SLFN12L: variants seen among roughly 807,000 people sequenced by gnomAD.
SLFN12L encodes the protein schlafen family member 12 like, also known as schlafen family member 12-like.
A neutral mutation model predicts 34.8 loss-of-function variants in SLFN12L; 34 were observed. That is an observed-to-expected ratio of 0.98 (90% CI 0.74 to 1.30). The LOEUF is 1.30. Ranked by LOEUF, SLFN12L falls within the 50% of genes most tolerant of loss-of-function variation. SLFN12L has a pLI of 0.00. For missense variants in SLFN12L, 703 were observed against 696.2 expected, an observed-to-expected ratio of 1.01 and a Z score of -0.11; for synonymous variants, 259 against 247.5, an observed-to-expected ratio of 1.05 and a Z score of -0.44.
At chr17:35,490,044 G>C (rs1914768920) in intron 2 of SLFN12L, 3 of 1,604,272 alleles carry the variant, frequency 1.9e-6, no homozygotes, top group South Asian at 2.2e-5. Flanking sequence ...ACCACCTCCT[G>C]TTCCCTCTCC....
chr17:35,475,316 T>A lies in SLFN12L; in HGVS notation c.1446A>T (p.Lys482Asn). The change falls in exon 5 of 5, where the codon AAA becomes AAT. Residue 482 changes from lysine to asparagine, a missense_variant. By Grantham distance (94) the Lys-to-Asn change is moderately conservative. Transcript: ENST00000628453. ...SLDLGLQENH[K>N]VLCDALLISQ... ...AAATCAGAAGAGCATCACAGAGGACTTTGTGGTTCTCTTGCAAGCCCAGAT... is the reference window on the plus strand; with the variant it reads ...AAATCAGAAGAGCATCACAGAGGACATTGTGGTTCTCTTGCAAGCCCAGAT... 1 of 1,614,208 alleles carries A rather than the reference T, an allele frequency of 6.2e-7. No homozygotes were observed. Among genetic ancestry groups the A allele is most frequent in the Non-Finnish European group, 8.5e-7 (1 of 1,180,030 alleles).
chr17:35,533,332 C>T (rs926716878), intron 1 of SLFN12L, among the ~76,000 whole-genome samples: 2 of 152,192 alleles, frequency 1.3e-5, no homozygotes, highest in African/African-American at 4.8e-5. Context: ...ATTTACTCAA[C>T]AAATATTTAT....
intron 2 of SLFN12L, among the ~76,000 whole-genome samples, chr17:35,485,256 C>A (rs569317883): frequency 6.6e-6 from 1 of 152,096 alleles, no homozygotes; most frequent in Non-Finnish European, 1.5e-5. Flanking sequence ...ATTGTGATTT[C>A]GCTTTGCAGC....
intron 1 of SLFN12L, among the ~76,000 whole-genome samples, chr17:35,532,297 G>C (rs781338520): frequency 3.3e-5 from 5 of 151,842 alleles, no homozygotes; most frequent in Non-Finnish European, 7.4e-5. Context: ...AAAATTAGCT[G>C]GGCGTGGTGG....
intron 2 of SLFN12L, among the ~76,000 whole-genome samples, chr17:35,519,891 T>G (rs886387914): frequency 6.6e-6 from 1 of 152,122 alleles, no homozygotes; most frequent in African/African-American, 2.4e-5. Flanking sequence ...AAAGTTGAAT[T>G]TGCAAGCATA....
intron 1 of SLFN12L, among the ~76,000 whole-genome samples, chr17:35,535,262 C>T (rs1334153844): frequency 6.7e-6 from 1 of 150,206 alleles, no homozygotes; most frequent in African/African-American, 2.5e-5. Context: ...GTGATCTCGG[C>T]TCACCACAAC....
At chr17:35,507,832 T>A (rs1388860416) in intron 2 of SLFN12L, among the ~76,000 whole-genome samples, 1 of 152,184 alleles carries the variant, frequency 6.6e-6, no homozygotes, top group Non-Finnish European at 1.5e-5. Context: ...TATCGATCTG[T>A]CTTACAAGAA....
chr17:35,476,495 AAGGAAGGAAGGAAGGAAG>A, intron 4 of SLFN12L, among the ~76,000 whole-genome samples: 1 of 150,048 alleles, frequency 6.7e-6, no homozygotes, highest in South Asian at 2.1e-4. Context: ...GGAAGGAAGG[AAGGAAGGAAGGAAGGAAG>A]GAAGGAAAGA....
intron 2 of SLFN12L, among the ~76,000 whole-genome samples, chr17:35,484,022 C>T (rs1914473753): frequency 6.6e-6 from 1 of 152,128 alleles, no homozygotes. Flanking sequence ...CCGTCTATTC[C>T]ATATAACACT....
At chr17:35,490,906 A>G in intron 2 of SLFN12L, 1 of 821,368 alleles carries the variant, frequency 1.2e-6, no homozygotes. Context: ...CAATGACAAC[A>G]AACAACCAAG....
chr17:35,496,953 T>C (rs564598824), intron 2 of SLFN12L, among the ~76,000 whole-genome samples: 1 of 152,298 alleles, frequency 6.6e-6, no homozygotes, highest in East Asian at 1.9e-4. Flanking sequence ...CATAATTACC[T>C]GTGTTTTCCC....
At chr17:35,521,591 G>A (rs1915997705) in intron 2 of SLFN12L, among the ~76,000 whole-genome samples, 1 of 152,194 alleles carries the variant, frequency 6.6e-6, no homozygotes, top group African/African-American at 2.4e-5. Flanking sequence ...CTGGCACAGT[G>A]GCTCATGCCT....
chr17:35,482,787 T>G (rs1914399336), intron 2 of SLFN12L, among the ~76,000 whole-genome samples: 1 of 152,018 alleles, frequency 6.6e-6, no homozygotes, highest in South Asian at 2.1e-4. Flanking sequence ...GGGTCCCCAG[T>G]AGGGCCACAC....
At chr17:35,499,335 G>T (rs544529242) in intron 2 of SLFN12L, among the ~76,000 whole-genome samples, 3 of 152,104 alleles carry the variant, frequency 2.0e-5, no homozygotes, top group Admixed American at 6.6e-5. Flanking sequence ...TTGAATTCCT[G>T]CACATGCCTA....
chr17:35,499,952 T>C (rs1661932164), intron 2 of SLFN12L: 1 of 154,502 alleles, frequency 6.5e-6, no homozygotes, highest in African/African-American at 2.4e-5. Flanking sequence ...AGAGTGTTCC[T>C]GCGAAAGCTG....
intron 2 of SLFN12L, among the ~76,000 whole-genome samples, chr17:35,519,213 G>T (rs1051968940): frequency 1.3e-5 from 2 of 152,138 alleles, no homozygotes; most frequent in Admixed American, 6.5e-5. Context: ...AGGAGAGGGA[G>T]AGCATTAGGA....
At chr17:35,480,287 A>G in intron 2 of SLFN12L, 92 bp from the exon 3 acceptor site, 2 of 970,842 alleles carry the variant, frequency 2.1e-6, no homozygotes, top group Admixed American at 6.1e-5. Context: ...TTTACTGTAT[A>G]TTTTCCACTA....
At position 35,475,470 on chromosome 17, in the gene SLFN12L, A is replaced by G; in HGVS notation, c.1292T>C (p.Ile431Thr). Residue 431 changes from isoleucine to threonine, a missense_variant, in exon 5 of 5, where the codon ATA becomes ACA. By Grantham distance (89) the Ile-to-Thr change is moderately conservative. Coordinates refer to ENST00000628453, the MANE Select transcript of SLFN12L (RefSeq NM_001363830.2). ...GCAGAAGGTTTTTGGAGCACAAGTT[A>G]TCTTTTCTGATAGCCCTAGATGGGG... ...RYHLPGLSEKITCAPKTFCRN... is the reference protein window; with the variant it reads ...RYHLPGLSEKTTCAPKTFCRN... 2 of 1,606,976 alleles carry G rather than the reference A, an allele frequency of 1.2e-6. No homozygotes were observed. The highest frequency in any genetic ancestry group is 1.1e-5 in the South Asian group (1 of 89,908).
intron 2 of SLFN12L, among the ~76,000 whole-genome samples, chr17:35,494,911 T>G (rs1914989773): frequency 6.6e-6 from 1 of 151,530 alleles, no homozygotes; most frequent in Admixed American, 6.6e-5. Context: ...ATTTATTTAT[T>G]TATTTATTTA....
Sources: gnomAD v4.1 joint callset for allele counts (sites outside exome capture counted in the v4.1 genomes callset) on GRCh38, gnomAD v4.1.1 for gene constraint, MANE v1.5 for transcripts, NCBI Gene and HGNC (gene_info 2026-07-23, HGNC 2026-07-21) for gene names.